KANSL1L: variants seen among roughly 807,000 people sequenced by gnomAD.
KANSL1L encodes KAT8 regulatory NSL complex subunit 1-like protein.
In KANSL1L, 25 loss-of-function variants were observed where a neutral mutation model predicts 108.6. The ratio of observed to expected loss-of-function variants is 0.23; its 90% confidence interval spans 0.17 to 0.32. The LOEUF is 0.32. KANSL1L is among the 10% of genes least tolerant of loss of function. The probability of loss-of-function intolerance (pLI) is 1.00; values close to 1 mark genes in which losing one functional copy is unlikely to be tolerated. For synonymous variants in KANSL1L, 405 were observed against 395.1 expected, an observed-to-expected ratio of 1.03 and a Z score of -0.30; for missense variants, 1,137 against 1,125.7, an observed-to-expected ratio of 1.01 and a Z score of -0.14.
intron 3 of KANSL1L, among the ~76,000 whole-genome samples, chr2:210,118,037 A>G (rs549575621): frequency 2.0e-4 from 30 of 151,552 alleles, no homozygotes; most frequent in East Asian, 2.0e-3. Flanking sequence ...GTGATGGCGC[A>G]TGCCTGTAAT....
intron 1 of KANSL1L, among the ~76,000 whole-genome samples, chr2:210,169,310 G>C (rs1334050442): frequency 1.3e-5 from 2 of 152,064 alleles, no homozygotes; most frequent in East Asian, 1.9e-4. Context: ...CGTGCCAACA[G>C]AAAAAATTTA....
At chr2:210,103,915 T>A (rs534412542) in intron 4 of KANSL1L, 189 bp downstream of exon 4, 11 of 353,560 alleles carry the variant, frequency 3.1e-5, no homozygotes, top group African/African-American at 2.3e-4. Context: ...ATTTAAATAA[T>A]TTAAATTATA....
At chr2:210,089,606 A>C (rs2094672851) in intron 5 of KANSL1L, among the ~76,000 whole-genome samples, 1 of 152,080 alleles carries the variant, frequency 6.6e-6, no homozygotes, top group Admixed American at 6.6e-5. Flanking sequence ...AATATATAAA[A>C]GTTGTGTATT....
In KANSL1L at chr2:210,154,092, T is replaced by G; in HGVS notation, c.491A>C (p.Asp164Ala). ...TTTACAGTTTTGTAGTTGTACTTTA[T>G]CTACATTAGTGTCTTTGGTTATATT... ...DSNITKDTNV[D>A]KVQLQNCKWY... The change falls in exon 2 of 15, where the codon GAT becomes GCT. Residue 164 changes from aspartate (D) to alanine (A), a missense_variant. Around this residue, in one of 3 missense-constraint regions of KANSL1L, gnomAD observed 556 missense variants for 537.7 expected, o/e 1.03. Coordinates refer to ENST00000281772, the MANE Select transcript of KANSL1L (RefSeq NM_152519.4). The G allele has an allele frequency of 6.2e-7, 1 of 1,613,562 alleles. No homozygotes were observed.
At chr2:210,099,445 C>T (rs1046213148) in intron 4 of KANSL1L, among the ~76,000 whole-genome samples, 1 of 152,116 alleles carries the variant, frequency 6.6e-6, no homozygotes, top group African/African-American at 2.4e-5. Flanking sequence ...TTCAAAAAAT[C>T]TTTCATGAGA....
At chr2:210,138,653 A>G (rs919530461) in intron 2 of KANSL1L, among the ~76,000 whole-genome samples, 9 of 152,226 alleles carry the variant, frequency 5.9e-5, no homozygotes, top group African/African-American at 1.7e-4. Context: ...TGGTGTACAT[A>G]TTTATATATT....
intron 4 of KANSL1L, among the ~76,000 whole-genome samples, chr2:210,098,530 T>C (rs2094761187): frequency 6.6e-6 from 1 of 152,134 alleles, no homozygotes; most frequent in Non-Finnish European, 1.5e-5. Flanking sequence ...TAATTAAAAA[T>C]CACAGATACA....
chr2:210,075,865 A>G (rs2094538540), intron 5 of KANSL1L, 109 bp from the exon 6 acceptor site: 2 of 751,624 alleles, frequency 2.7e-6, no homozygotes, highest in South Asian at 4.0e-5. Context: ...ATTATGACAG[A>G]AAAGTATTAA....
At chr2:210,149,904 A>G (rs972424120) in intron 2 of KANSL1L, among the ~76,000 whole-genome samples, 1 of 139,280 alleles carries the variant, frequency 7.2e-6, no homozygotes, top group Non-Finnish European at 1.5e-5. Flanking sequence ...AAGAAAAACC[A>G]AAAAAAAAAA....
intron 6 of KANSL1L, among the ~76,000 whole-genome samples, chr2:210,074,162 T>C (rs909957352): frequency 1.3e-5 from 2 of 152,146 alleles, no homozygotes; most frequent in African/African-American, 4.8e-5. Context: ...GGTGACAATA[T>C]GGGAGATAAG....
chr2:210,146,221 T>C (rs545378400), intron 2 of KANSL1L, among the ~76,000 whole-genome samples: 1 of 152,306 alleles, frequency 6.6e-6, no homozygotes, highest in African/African-American at 2.4e-5. Context: ...TGTGCAGTTA[T>C]CCTCTGGATT....
chr2:210,032,780 G>A (rs1354403339), intron 8 of KANSL1L: 1 of 152,108 alleles, frequency 6.6e-6, no homozygotes, highest in Non-Finnish European at 1.5e-5. Flanking sequence ...TCAATGATGA[G>A]TATAGAAAAC....
intron 3 of KANSL1L, among the ~76,000 whole-genome samples, chr2:210,113,939 T>C (rs2094931379): frequency 6.6e-6 from 1 of 152,162 alleles, no homozygotes; most frequent in Admixed American, 6.5e-5. Flanking sequence ...AAGGGACACG[T>C]GGAACACTAT....
chr2:210,038,827 A>T (rs947940242), intron 8 of KANSL1L, among the ~76,000 whole-genome samples: 1 of 151,880 alleles, frequency 6.6e-6, no homozygotes, highest in African/African-American at 2.4e-5. Flanking sequence ...ACTCAACTGT[A>T]ATTTGGGGAA....
At chr2:210,170,771 G>A (rs1688287729) in intron 1 of KANSL1L, 1 of 152,390 alleles carries the variant, frequency 6.6e-6, no homozygotes, top group South Asian at 2.1e-4. Context: ...GGCAAGAGGC[G>A]GGTCCAGGAA....
Position 210,021,580 on chromosome 2 carries a change from T to C in KANSL1L, c.*1369A>G, listed in dbSNP as rs1296130189. ...TACAGTAAAACTACAAGCAAAAGTT[T>C]GTCAGTATTGAATTGAATTTTTTAC... On this transcript the variant is annotated 3_prime_UTR_variant, in exon 15 of 15. Coordinates refer to ENST00000281772, the MANE Select transcript of KANSL1L (RefSeq NM_152519.4). The C allele has an allele frequency of 6.6e-6, 1 of 152,568 alleles. No individual in the cohort carries two copies. Among genetic ancestry groups the C allele is most frequent in the Non-Finnish European group, 1.5e-5 (1 of 67,962 alleles). 9.5% of individuals were successfully genotyped at this position (152,568 alleles called of 1,614,324 possible).
Position 210,022,870 on chromosome 2 carries a change from G to A in KANSL1L, c.*79C>T. ...ATGCAGAACATGCTCTTATTCTGGA[G>A]GGGATGGGGGATCCAGAACAGGGCT... On this transcript the variant is annotated 3_prime_UTR_variant, in exon 15 of 15. Coordinates refer to ENST00000281772, the MANE Select transcript of KANSL1L (RefSeq NM_152519.4). 1.1e-6 allele frequency: 1 copy of A among 909,982 alleles called. No individual in the cohort carries two copies. The highest frequency in any genetic ancestry group is 1.5e-5 in the South Asian group (1 of 67,974). The allele number at this position is 909,982 out of a possible 1,614,324, so 56.4% of individuals were successfully genotyped here. A position where few individuals can be genotyped will look rare whatever the true frequency, so the allele number is the denominator to read the frequency against.
chr2:210,118,958 A>G (rs972825289), intron 3 of KANSL1L, among the ~76,000 whole-genome samples: 4 of 152,110 alleles, frequency 2.6e-5, no homozygotes, highest in African/African-American at 9.7e-5. Flanking sequence ...TCACGAGGTC[A>G]AGAGATTGAG....
intron 3 of KANSL1L, among the ~76,000 whole-genome samples, chr2:210,125,251 A>T (rs1484454482): frequency 6.6e-6 from 1 of 152,096 alleles, no homozygotes; most frequent in Non-Finnish European, 1.5e-5. Context: ...CAAAACTCCA[A>T]CTCAAAAGAA....
Sources: gnomAD v4.1 joint callset for allele counts (sites outside exome capture counted in the v4.1 genomes callset) on GRCh38, gnomAD v4.1.1 for gene constraint, gnomAD v4.1.1 regional missense constraint, MANE v1.5 for transcripts, NCBI Gene and HGNC (gene_info 2026-07-23, HGNC 2026-07-21) for gene names.